GLG1: variants seen among roughly 807,000 people sequenced by gnomAD.
GLG1 encodes golgi glycoprotein 1, also known as Golgi apparatus protein 1.
Under a neutral mutation model 160.5 loss-of-function variants are expected in GLG1, and 38 were observed. The ratio of observed to expected loss-of-function variants is 0.24; its 90% confidence interval spans 0.18 to 0.31. The LOEUF (loss-of-function observed/expected upper bound fraction) is 0.31, where lower values mean the gene tolerates loss of function less well. Among genes scored for constraint, GLG1 ranks in the 10% least tolerant of loss-of-function variants. The pLI is 1.00. For missense variants in GLG1, 1,373 were observed against 1,505.2 expected (o/e 0.91, Z 1.45); for synonymous variants, 644 against 543.4 (o/e 1.19, Z -2.57).
intron 1 of GLG1, among the ~76,000 whole-genome samples, chr16:74,581,222 C>G (rs1567537641): frequency 6.6e-6 from 1 of 151,940 alleles, no homozygotes; most frequent in Non-Finnish European, 1.5e-5. Context: ...TTCACAAAAG[C>G]CAAAAGGTAG....
At chr16:74,542,741 G>C (rs2017918369) in intron 1 of GLG1, among the ~76,000 whole-genome samples, 1 of 9,692 alleles carries the variant, frequency 1.0e-4, no homozygotes, top group Non-Finnish European at 3.9e-4. Context: ...AAGGGAGGAA[G>C]GAAGGAAGGA....
intron 21 of GLG1, 84 bp from the exon 22 acceptor site, chr16:74,462,279 C>G: frequency 1.2e-6 from 1 of 816,484 alleles, no homozygotes; most frequent in Non-Finnish European, 2.0e-6. Context: ...AAAAAACAAA[C>G]AACAACAACC....
At position 74,522,340 on chromosome 16, in the gene GLG1, A is replaced by C. The variant is rs117925135; in HGVS notation, c.471+9781T>G. Among the ~76,000 whole-genome samples, 6 of 152,374 alleles carry C rather than the reference A, an allele frequency of 3.9e-5. No individual in the cohort carries two copies. The South Asian group carries it at 6.2e-4, about 16-fold the overall frequency. ...ATGCTTTAGCTAATACTGCCAAGCC[A>C]GCTTTGAAAGCACTAGCTGTGCTAA... On this transcript the variant is annotated intron_variant, in intron 2 of 25. Coordinates refer to ENST00000422840, the MANE Select transcript of GLG1 (RefSeq NM_001145667.2).
intron 1 of GLG1, among the ~76,000 whole-genome samples, chr16:74,532,816 C>T (rs1597318097): frequency 6.6e-6 from 1 of 152,154 alleles, no homozygotes; most frequent in Admixed American, 6.5e-5. Context: ...TGTGAATTAC[C>T]GTTCCCAGCC....
chr16:74,454,031 A>G (rs2014428620), intron 25 of GLG1, among the ~76,000 whole-genome samples: 1 of 151,630 alleles, frequency 6.6e-6, no homozygotes, highest in African/African-American at 2.4e-5. Context: ...GCCACCATGC[A>G]CAGCTAATTT....
chr16:74,532,738 G>A (rs1303013246), intron 1 of GLG1, among the ~76,000 whole-genome samples: 1 of 152,014 alleles, frequency 6.6e-6, no homozygotes, highest in African/African-American at 2.4e-5. Flanking sequence ...ATGTTGCCCA[G>A]GCTGGTGTAC....
chr16:74,551,888 A>C (rs1356241690), intron 1 of GLG1, among the ~76,000 whole-genome samples: 1 of 151,262 alleles, frequency 6.6e-6, no homozygotes, highest in East Asian at 1.9e-4. Context: ...GATACAACAG[A>C]AGGTAGTCTA....
chr16:74,560,473 G>A (rs1416568386), intron 1 of GLG1, among the ~76,000 whole-genome samples: 6 of 129,906 alleles, frequency 4.6e-5, no homozygotes, highest in African/African-American at 1.2e-4. Context: ...CCCTGCCCCC[G>A]CAGTAACTAG....
At chr16:74,493,954 C>A (rs4888247) in intron 6 of GLG1, among the ~76,000 whole-genome samples, 3 of 151,686 alleles carry the variant, frequency 2.0e-5, no homozygotes, top group Non-Finnish European at 4.4e-5. Flanking sequence ...GCGGGTGGAT[C>A]ACCTGAGGTC....
At chr16:74,584,833 T>C (rs1407573697) in intron 1 of GLG1, among the ~76,000 whole-genome samples, 3 of 151,878 alleles carry the variant, frequency 2.0e-5, no homozygotes, top group South Asian at 2.1e-4. Flanking sequence ...GGAGAATCTA[T>C]TGAATCTGGG....
chr16:74,564,253 T>C (rs912919844), intron 1 of GLG1, among the ~76,000 whole-genome samples: 19 of 152,230 alleles, frequency 1.2e-4, no homozygotes, highest in African/African-American at 3.4e-4. Context: ...TGGATGAATA[T>C]ACTGGATATT....
chr16:74,455,498 G>A (rs915324682), intron 25 of GLG1, among the ~76,000 whole-genome samples: 4 of 152,300 alleles, frequency 2.6e-5, no homozygotes, highest in African/African-American at 9.6e-5. Flanking sequence ...TGAGCCACCG[G>A]CTTTAAAGGC....
At chr16:74,565,932 C>T (rs2018642976) in intron 1 of GLG1, among the ~76,000 whole-genome samples, 1 of 152,218 alleles carries the variant, frequency 6.6e-6, no homozygotes, top group African/African-American at 2.4e-5. Flanking sequence ...AGGATTTAGT[C>T]ACCATGCCTT....
Position 74,452,639 on chromosome 16 carries a change from G to A in GLG1, c.*528C>T. ...GACCACGGCCCTGGCGAGGCCCCAA[G>A]GTGCTTCTGAGAGATGAACGAGACA... On this transcript the variant is annotated 3_prime_UTR_variant, in exon 26 of 26. Transcript: ENST00000422840. The A allele has an allele frequency of 1.2e-5, 12 of 998,344 alleles. No individual in the cohort carries two copies. The highest frequency in any genetic ancestry group is 1.4e-5 in the Non-Finnish European group (12 of 837,094). The allele number at this position is 998,344 out of a possible 1,614,324, so 61.8% of individuals were successfully genotyped here. A position where few individuals can be genotyped will look rare whatever the true frequency, so the allele number is the denominator to read the frequency against.
At chr16:74,464,815 T>A (rs1368031886) in intron 19 of GLG1, among the ~76,000 whole-genome samples, 1 of 151,762 alleles carries the variant, frequency 6.6e-6, no homozygotes, top group Non-Finnish European at 1.5e-5. Context: ...ATAAAGGAGC[T>A]AGAACCTTTA....
intron 1 of GLG1, among the ~76,000 whole-genome samples, chr16:74,541,711 C>G (rs904771296): frequency 6.6e-6 from 1 of 152,200 alleles, no homozygotes; most frequent in Non-Finnish European, 1.5e-5. Context: ...AAAAACGTTA[C>G]TGCTATCCAA....
At chr16:74,498,468 T>TATATATATATATATATATATATATA (rs1491206560) in intron 4 of GLG1, among the ~76,000 whole-genome samples, 1,890 of 29,136 alleles carry the variant, frequency 0.065, 273 homozygotes, top group African/African-American at 0.075. Flanking sequence ...ATATATATAT[T>TATATATATATATATATATATATATA]ATATTTTATA....
rs1426151119 is a variant in GLG1 at position 74,452,276 on chromosome 16, G to C, written c.*891C>G. ...TTCCAGAGTGACTGTAGCCTCAGCA[G>C]GGCCGGTCCAGACATGGCTGAGTCC... On this transcript the variant is annotated 3_prime_UTR_variant, in exon 26 of 26. Coordinates refer to ENST00000422840, the MANE Select transcript of GLG1 (RefSeq NM_001145667.2). The C allele has an allele frequency of 6.1e-6, 9 of 1,471,338 alleles. No homozygotes were observed. The African/African-American group carries it at 8.4e-5, about 14-fold the overall frequency. 91.1% of individuals were successfully genotyped at this position (1,471,338 alleles called of 1,614,324 possible). A position where few individuals can be genotyped will look rare whatever the true frequency, so the allele number is the denominator to read the frequency against.
intron 2 of GLG1, among the ~76,000 whole-genome samples, chr16:74,514,865 C>T (rs989351289): frequency 1.6e-4 from 25 of 152,006 alleles, no homozygotes; most frequent in African/African-American, 6.0e-4. Flanking sequence ...AGAGTCAAGA[C>T]CCATCAGTAT....
Sources: allele counts gnomAD v4.1 joint callset (sites outside exome capture counted in the v4.1 genomes callset), GRCh38; gene constraint gnomAD v4.1.1; transcripts MANE v1.5; gene names NCBI Gene and HGNC (gene_info 2026-07-23, HGNC 2026-07-21).